Variants in ATG10 observed in about 807,000 individuals in gnomAD.
ATG10 encodes autophagy related 10.
A neutral mutation model predicts 32.1 loss-of-function variants in ATG10; 30 were observed. The ratio of observed to expected loss-of-function variants is 0.94; its 90% CI spans 0.70 to 1.27. The LOEUF (loss-of-function observed/expected upper bound fraction) is 1.27, where lower values mean the gene tolerates loss of function less well. Ranked by LOEUF, ATG10 falls within the 50% of genes most tolerant of loss-of-function variation. The probability of loss-of-function intolerance (pLI) is 0.00; values close to 1 mark genes in which losing one functional copy is unlikely to be tolerated. For synonymous variants in ATG10, 87 were observed against 91.5 expected (o/e 0.95, Z 0.28); for missense variants, 233 against 262.3 (o/e 0.89, Z 0.77).
chr5:82,172,482 C>T (rs1743845578), intron 4 of ATG10, among the ~76,000 whole-genome samples: 1 of 152,098 alleles, frequency 6.6e-6, no homozygotes, highest in Non-Finnish European at 1.5e-5. Flanking sequence ...GTGCTTGACA[C>T]TTAGTGCCTT....
At chr5:82,147,854 C>G (rs755504874) in intron 3 of ATG10, 5 of 152,434 alleles carry the variant, frequency 3.3e-5, no homozygotes, top group Admixed American at 6.5e-5. Context: ...TGTGCCAACA[C>G]CACCACCATT....
At chr5:82,158,003 A>G (rs1246522258) in intron 3 of ATG10, among the ~76,000 whole-genome samples, 1 of 152,218 alleles carries the variant, frequency 6.6e-6, no homozygotes, top group Non-Finnish European at 1.5e-5. Flanking sequence ...TGTAGGCTAA[A>G]TAGAGATATG....
At chr5:81,991,072 G>A (rs1761438640) in intron 2 of ATG10, among the ~76,000 whole-genome samples, 1 of 152,200 alleles carries the variant, frequency 6.6e-6, no homozygotes, top group African/African-American at 2.4e-5. Flanking sequence ...ACATGCTATT[G>A]AACTGAATTA....
At chr5:82,100,006 T>G (rs1382900571) in intron 3 of ATG10, among the ~76,000 whole-genome samples, 13 of 125,178 alleles carry the variant, frequency 1.0e-4, no homozygotes, top group Non-Finnish European at 1.2e-4. Flanking sequence ...CTGTGTTTTT[T>G]TTTTTTTTTT....
intron 2 of ATG10, among the ~76,000 whole-genome samples, chr5:82,026,469 A>G (rs1165263709): frequency 1.3e-5 from 2 of 151,862 alleles, no homozygotes; most frequent in Non-Finnish European, 2.9e-5. Flanking sequence ...TTTGTTTCCT[A>G]TTATTATTTT....
chr5:82,072,252 T>C (rs961051650), intron 3 of ATG10, among the ~76,000 whole-genome samples: 1 of 152,180 alleles, frequency 6.6e-6, no homozygotes, highest in African/African-American at 2.4e-5. Context: ...GTATTCTTTG[T>C]GCTAGTCTCT....
At chr5:82,162,944 A>G (rs971862148) in intron 3 of ATG10, among the ~76,000 whole-genome samples, 5 of 152,122 alleles carry the variant, frequency 3.3e-5, no homozygotes, top group Non-Finnish European at 7.4e-5. Context: ...ATGGTTACAA[A>G]CCTGAGGTAT....
intron 3 of ATG10, among the ~76,000 whole-genome samples, chr5:82,144,147 A>C (rs1301896067): frequency 6.6e-6 from 1 of 151,766 alleles, no homozygotes; most frequent in Admixed American, 6.6e-5. Flanking sequence ...TTATCCTTTT[A>C]GTGTTTATAG....
At chr5:82,238,876 G>A (rs1746676180) in intron 5 of ATG10, among the ~76,000 whole-genome samples, 1 of 152,158 alleles carries the variant, frequency 6.6e-6, no homozygotes, top group African/African-American at 2.4e-5. Flanking sequence ...ATACAGTGGT[G>A]TGGCAAGGAG....
chr5:82,218,381 TCTTA>T (rs1745780318), intron 5 of ATG10, among the ~76,000 whole-genome samples: 1 of 152,216 alleles, frequency 6.6e-6, no homozygotes. Flanking sequence ...AATTCATATG[TCTTA>T]CTTTCATCCT....
chr5:82,045,290 G>A (rs1763200416), intron 2 of ATG10, among the ~76,000 whole-genome samples: 1 of 152,050 alleles, frequency 6.6e-6, no homozygotes, highest in Non-Finnish European at 1.5e-5. Context: ...TATGTGATGT[G>A]TAAAATCAAC....
At chr5:82,248,702 T>C (rs1416196445) in intron 5 of ATG10, among the ~76,000 whole-genome samples, 1 of 152,202 alleles carries the variant, frequency 6.6e-6, no homozygotes, top group Non-Finnish European at 1.5e-5. Context: ...TCCACTTCTG[T>C]TGTTATTAAT....
chr5:81,972,824 AAAGG>A (rs963498232), intron 1 of ATG10, among the ~76,000 whole-genome samples: 1 of 152,186 alleles, frequency 6.6e-6, no homozygotes, highest in African/African-American at 2.4e-5. Flanking sequence ...GGAGAATGAT[AAAGG>A]AATAGTTGAC....
At chr5:82,091,134 AT>A in intron 3 of ATG10, among the ~76,000 whole-genome samples, 1 of 152,354 alleles carries the variant, frequency 6.6e-6, no homozygotes, top group African/African-American at 2.4e-5. Flanking sequence ...GTAGAACAGT[AT>A]AAGAGATATT....
At chr5:82,044,560 G>C (rs1763181397) in intron 2 of ATG10, among the ~76,000 whole-genome samples, 1 of 151,396 alleles carries the variant, frequency 6.6e-6, no homozygotes, top group Non-Finnish European at 1.5e-5. Flanking sequence ...TTTTCATTTA[G>C]ATATTTTCAG....
At position 82,049,815 on chromosome 5, in the gene ATG10, A is replaced by G. The variant is rs558615395; in HGVS notation, c.109-8680A>G. Among the ~76,000 whole-genome samples, 9 of 152,282 alleles carry G rather than the reference A, an allele frequency of 5.9e-5. No individual in the cohort carries two copies. In the East Asian group the frequency reaches 1.5e-3, roughly 26 times the overall value. ...TTAACACTTCATGGTTCTTAGAATC[A>G]TATTTATCACAGAGTGAAAGGAAAG... On this transcript the variant is annotated intron_variant, in intron 2 of 7. Transcript: ENST00000282185.
chr5:82,003,914 C>T (rs888226962), intron 2 of ATG10, among the ~76,000 whole-genome samples: 7 of 152,114 alleles, frequency 4.6e-5, no homozygotes, highest in South Asian at 4.1e-4. Flanking sequence ...CCAAGGCAGG[C>T]GGATCACTTG....
intron 5 of ATG10, among the ~76,000 whole-genome samples, chr5:82,200,639 A>G (rs935435201): frequency 1.3e-5 from 2 of 150,492 alleles, no homozygotes; most frequent in African/African-American, 4.9e-5. Context: ...TACCACTCTC[A>G]GCTATTTGCC....
chr5:82,196,688 C>T (rs562580490), intron 5 of ATG10, among the ~76,000 whole-genome samples: 1 of 152,252 alleles, frequency 6.6e-6, no homozygotes, highest in Non-Finnish European at 1.5e-5. Flanking sequence ...TGTCAAAAAT[C>T]AATTTACCAT....
Sources: allele counts gnomAD v4.1 joint callset (sites outside exome capture counted in the v4.1 genomes callset), GRCh38; gene constraint gnomAD v4.1.1; transcripts MANE v1.5; gene names NCBI Gene and HGNC (gene_info 2026-07-23, HGNC 2026-07-21).